Variants in CNTRL observed in about 807,000 individuals in gnomAD.
CNTRL encodes 110 kDa centrosomal protein.
CNTRL carries 233 observed loss-of-function variants against 303.7 expected under a neutral mutation model. That is an observed-to-expected ratio of 0.77 (90% CI 0.69 to 0.86). The LOEUF (loss-of-function observed/expected upper bound fraction) is 0.86. CNTRL is among the 40% of genes least tolerant of loss of function. The pLI is 0.00. For missense variants in CNTRL, 2,524 were observed against 2,650.6 expected (o/e 0.95, Z 1.05); for synonymous variants, 900 against 922.2 (o/e 0.98, Z 0.44).
chr9:121,090,469 G>A (rs1175521229), intron 4 of CNTRL, 64 bp downstream of exon 4: 22 of 1,454,610 alleles, frequency 1.5e-5, no homozygotes, highest in Middle Eastern at 2.4e-4. Flanking sequence ...TTAATACTGC[G>A]AAAAAAAATT....
At chr9:121,099,737 G>A (rs36100283) in intron 7 of CNTRL, among the ~76,000 whole-genome samples, 2,448 of 152,238 alleles carry the variant, frequency 0.016, 29 homozygotes, top group Middle Eastern at 0.024. Flanking sequence ...GCTGAAAACC[G>A]TGGCACGAGA....
intron 2 of CNTRL, among the ~76,000 whole-genome samples, chr9:121,081,679 C>T (rs748702273): frequency 6.6e-6 from 1 of 152,194 alleles, no homozygotes; most frequent in Non-Finnish European, 1.5e-5. Flanking sequence ...TTGCATAGGG[C>T]AAGGTACGTG....
chr9:121,174,580 C>CCAAAAAGT (rs1448732249), intron 42 of CNTRL, among the ~76,000 whole-genome samples: 2 of 151,842 alleles, frequency 1.3e-5, no homozygotes, highest in Non-Finnish European at 2.9e-5. Flanking sequence ...GGGGCAAAAG[C>CCAAAAAGT]CAAAAAGTAG....
intron 40 of CNTRL, among the ~76,000 whole-genome samples, chr9:121,172,104 C>A (rs1007251910): frequency 6.6e-6 from 1 of 152,194 alleles, no homozygotes. Flanking sequence ...GGTGACCCCA[C>A]GTGGCCATTC....
intron 36 of CNTRL, among the ~76,000 whole-genome samples, chr9:121,167,146 C>A (rs529071591): frequency 6.6e-6 from 1 of 151,810 alleles, no homozygotes; most frequent in Non-Finnish European, 1.5e-5. Flanking sequence ...CCCGTCTCTA[C>A]GAAAAAGACA....
chr9:121,172,315 T>C (rs1048773789), intron 40 of CNTRL, among the ~76,000 whole-genome samples: 10 of 152,186 alleles, frequency 6.6e-5, no homozygotes, highest in African/African-American at 2.4e-4. Flanking sequence ...CATAGAGTAG[T>C]CTCAGGCATC....
chr9:121,123,493 G>T (rs1564234017), intron 12 of CNTRL, among the ~76,000 whole-genome samples: 1 of 152,166 alleles, frequency 6.6e-6, no homozygotes, highest in African/African-American at 2.4e-5. Flanking sequence ...CAGGTACTTG[G>T]GAGGCTGAGG....
Position 121,158,914 on chromosome 9 carries a change from G to A in CNTRL, c.4824G>A (p.Glu1608=), listed in dbSNP as rs778935730. The A allele has an allele frequency of 3.1e-6, 5 of 1,614,012 alleles. No individual in the cohort carries two copies. The Admixed American group carries it at 6.7e-5, about 22-fold the overall frequency. ...VLDRQLGHKK[E]ELHLLQGSMV... is the part of the protein sequence containing the mutation. ...ACAGGCAGTTAGGGCATAAAAAGGA[G>A]GAGCTGCATCTACTCCAAGGAAGCA... is the stretch of plus-strand genomic sequence containing the variant. The change falls in exon 31 of 44, where the codon GAG becomes GAA. Residue 1608 remains glutamate (E), a synonymous_variant. Coordinates refer to ENST00000373855, the MANE Select transcript of CNTRL (RefSeq NM_007018.6).
At chr9:121,096,135 C>A (rs984604025) in intron 5 of CNTRL, among the ~76,000 whole-genome samples, 1 of 152,102 alleles carries the variant, frequency 6.6e-6, no homozygotes, top group Non-Finnish European at 1.5e-5. Flanking sequence ...TCACAGTAGT[C>A]GGTGAGAATG....
chr9:121,113,715 A>AG lies in CNTRL; in HGVS notation c.1336_1337insG (p.Ile446SerfsTer13), dbSNP rs757230210. ...GCAACTGGAAGACAAAGAAAAAAAAATAAGTGCAGGTTAAAAAAAGTTATT... is the reference window on the plus strand; with the variant it reads ...GCAACTGGAAGACAAAGAAAAAAAAAGTAAGTGCAGGTTAAAAAAAGTTATT... On this transcript the variant is annotated frameshift_variant, in exon 10 of 44. Coordinates refer to ENST00000373855, the MANE Select transcript of CNTRL (RefSeq NM_007018.6). LOFTEE classifies it high-confidence loss of function. 6 of 1,533,266 alleles carry AG rather than the reference A, an allele frequency of 3.9e-6. No individual in the cohort carries two copies. In the East Asian group the frequency reaches 1.4e-4, roughly 35 times the overall value. 95.0% of individuals were successfully genotyped at this position (1,533,266 alleles called of 1,614,324 possible).
Position 121,172,100 on chromosome 9 carries a change from C to T in CNTRL, c.6417+552C>T, listed in dbSNP as rs147840168. Among the ~76,000 whole-genome samples, 295 of 152,192 alleles carry T rather than the reference C, an allele frequency of 1.9e-3. 1 individual carries two copies. Among genetic ancestry groups the T allele is most frequent in the African/African-American group, 6.7e-3 (277 of 41,502 alleles). On this transcript the variant is annotated intron_variant, in intron 40 of 43. Transcript: ENST00000373855. ...TGCTATACTTAGTCTTTTGGGTGAC[C>T]CCACGTGGCCATTCTAGTTTCATCT...
At chr9:121,152,457 A>C in intron 25 of CNTRL, 28 bp from the exon 26 acceptor site, 1 of 1,560,056 alleles carries the variant, frequency 6.4e-7, no homozygotes, top group African/African-American at 1.4e-5. Context: ...ATGTTTCAGC[A>C]CTGCATTTTT....
At chr9:121,166,445 G>A (rs2053094119) in intron 36 of CNTRL, among the ~76,000 whole-genome samples, 2 of 152,172 alleles carry the variant, frequency 1.3e-5, no homozygotes, top group Admixed American at 1.3e-4. Context: ...CCCAGCAGCA[G>A]TCTCTCAGCA....
intron 19 of CNTRL, among the ~76,000 whole-genome samples, chr9:121,142,743 G>A (rs369936726): frequency 1.3e-5 from 2 of 152,118 alleles, no homozygotes; most frequent in Non-Finnish European, 2.9e-5. Context: ...AAACTGAAGT[G>A]TCTTGCTCTG....
rs192498650 is a variant in CNTRL, at chr9:121,087,325, A to G, written c.-31-971A>G. Among the ~76,000 whole-genome samples, 199 of 152,250 alleles carry G rather than the reference A, an allele frequency of 1.3e-3. 2 individuals are homozygous for G. The highest frequency in any genetic ancestry group is 4.4e-3 in the African/African-American group (182 of 41,532). On this transcript the variant is annotated intron_variant, in intron 2 of 43. Transcript: ENST00000373855. The stretch of plus-strand genomic sequence containing the variant: ...AAATTCAATCTGGACTGAGTGTAGG[A>G]TGCCAATGAGATATCACGTAGGCAA...
chr9:121,098,608 A>G, intron 7 of CNTRL, 36 bp downstream of exon 7: 1 of 1,359,536 alleles, frequency 7.4e-7, no homozygotes, highest in Non-Finnish European at 1.0e-6. Context: ...AATTTGGGTG[A>G]GGGAGGAATT....
In CNTRL at chr9:121,118,350, C is replaced by T; in HGVS notation, c.1460C>T (p.Ser487Leu). 1 of 1,579,258 alleles carries T rather than the reference C, an allele frequency of 6.3e-7. No homozygotes were observed. The highest frequency in any genetic ancestry group is 8.6e-7 in the Non-Finnish European group (1 of 1,162,376). The change falls in exon 12 of 44, where the codon TCA becomes TTA. Residue 487 changes from serine (S) to leucine (L), a missense_variant. By Grantham distance (145) the Ser-to-Leu change is moderately radical. Transcript: ENST00000373855. ...ATTGGGGTTTGGGGAGATTAGATTT[C>T]AGAAGCAGGGAAAGACCTTCTTTAC... is the stretch of plus-strand genomic sequence containing the variant. ...LEEAIQLKKI[S>L]EAGKDLLYKQ...
intron 7 of CNTRL, among the ~76,000 whole-genome samples, chr9:121,099,413 C>T (rs2049036500): frequency 1.3e-5 from 2 of 152,300 alleles, no homozygotes; most frequent in Admixed American, 1.3e-4. Context: ...TCACCATCAT[C>T]AAAGACCAAA....
intron 9 of CNTRL, 85 bp downstream of exon 9, chr9:121,112,663 G>A (rs1047278713): frequency 9.5e-6 from 13 of 1,374,752 alleles, no homozygotes; most frequent in East Asian, 4.6e-5. Flanking sequence ...GGACATGTAA[G>A]GGATTTGATC....
Sources: gnomAD v4.1 joint callset for allele counts (sites outside exome capture counted in the v4.1 genomes callset) on GRCh38, gnomAD v4.1.1 for gene constraint, MANE v1.5 for transcripts, NCBI Gene and HGNC (gene_info 2026-07-23, HGNC 2026-07-21) for gene names.